The following CHD9 variants were observed in gnomAD, a reference collection of about 807,000 sequenced individuals.
CHD9 encodes the protein chromodomain helicase DNA binding protein 9.
CHD9 carries 77 observed loss-of-function variants against 316.1 expected under a neutral mutation model. The observed-to-expected ratio is 0.24, with a 90% CI of 0.20 to 0.29. The LOEUF (loss-of-function observed/expected upper bound fraction) is 0.29. Ranked by LOEUF, CHD9 falls within the 10% of genes least tolerant of loss-of-function variation. The pLI is 1.00. For missense variants in CHD9, 2,763 were observed against 3,438.1 expected, an observed-to-expected ratio of 0.80 and a Z score of 4.91; for synonymous variants, 1,129 against 1,158.3, an observed-to-expected ratio of 0.97 and a Z score of 0.51.
chr16:53,098,770 A>C (rs1431748426), intron 1 of CHD9, among the ~76,000 whole-genome samples: 2 of 152,158 alleles, frequency 1.3e-5, no homozygotes, highest in African/African-American at 4.8e-5. Context: ...TTACATATGC[A>C]AAACATCTGA....
chr16:53,110,501 C>G (rs1043281029), intron 1 of CHD9, among the ~76,000 whole-genome samples: 10 of 152,176 alleles, frequency 6.6e-5, no homozygotes, highest in Non-Finnish European at 1.2e-4. Flanking sequence ...TAGCTCACGC[C>G]TGTAATCCCA....
rs193089050 is a variant in CHD9 at position 53,218,024 on chromosome 16, C to A, written c.1785-4620C>A. On this transcript the variant is annotated intron_variant, in intron 3 of 38. Transcript: ENST00000447540. ...AATTTTAAAATGCCACCCAAATTAA[C>A]CCAGAATTGTATCAGTCAAAAATGA... Among the ~76,000 whole-genome samples, 254 of 151,200 alleles carry A rather than the reference C, an allele frequency of 1.7e-3. 2 individuals carry two copies. The highest frequency in any genetic ancestry group is 6.0e-3 in the African/African-American group (245 of 41,160).
At chr16:53,209,448 G>A in intron 2 of CHD9, 34 bp from the exon 3 acceptor site, 1 of 1,367,124 alleles carries the variant, frequency 7.3e-7, no homozygotes, top group South Asian at 1.4e-5. Context: ...ATGTACTTTG[G>A]TATATTCTAT....
intron 1 of CHD9, among the ~76,000 whole-genome samples, chr16:53,132,275 C>T (rs11075756): frequency 0.31 from 46,662 of 151,882 alleles, 7,324 homozygotes; most frequent in Middle Eastern, 0.36. Flanking sequence ...AATATTCATA[C>T]CTAAGAATTC....
chr16:53,300,054 T>C (rs758078317), intron 30 of CHD9, among the ~76,000 whole-genome samples: 4 of 152,218 alleles, frequency 2.6e-5, no homozygotes, highest in Non-Finnish European at 4.4e-5. Flanking sequence ...GGTGTCTTTG[T>C]TAAGAATTGT....
intron 1 of CHD9, among the ~76,000 whole-genome samples, chr16:53,098,043 C>T (rs1260739679): frequency 6.6e-6 from 1 of 152,066 alleles, no homozygotes; most frequent in African/African-American, 2.4e-5. Flanking sequence ...TCACTTGAAC[C>T]CAGGAGGTGG....
chr16:53,146,437 A>ATATATAT (rs58622741), intron 1 of CHD9, among the ~76,000 whole-genome samples: 2 of 129,706 alleles, frequency 1.5e-5, no homozygotes, highest in Admixed American at 8.1e-5. Context: ...ATATATATAT[A>ATATATAT]ATTAAAAAGT....
rs376458259 is a variant in CHD9, at chr16:53,324,047, C to T, written c.7846C>T (p.Arg2616Cys). The stretch of plus-strand genomic sequence containing the variant: ...ATTTCTTCCAGAAAGCATGTATGAA[C>T]GTATTCTCACTGGTCCCGTTGTGAG... Reference protein sequence around the residue: ...SGFLPESMYERILTGPVVREE... With the variant: ...SGFLPESMYECILTGPVVREE... Residue 2616 changes from arginine (R) to cysteine (C), a missense_variant, in exon 39 of 39, where the codon CGT (arginine) becomes TGT (cysteine). This residue lies in a region of CHD9 where 298 missense variants were observed against 380.2 expected (regional missense o/e 0.78). Coordinates refer to ENST00000447540, the MANE Select transcript of CHD9 (RefSeq NM_001308319.2). 31 of 1,612,796 alleles carry T rather than the reference C, an allele frequency of 1.9e-5. No individual in the cohort carries two copies. The highest frequency in any genetic ancestry group is 2.5e-5 in the Non-Finnish European group (30 of 1,179,060).
At chr16:53,313,059 T>C (rs2056598882) in intron 34 of CHD9, among the ~76,000 whole-genome samples, 1 of 152,214 alleles carries the variant, frequency 6.6e-6, no homozygotes, top group Admixed American at 6.5e-5. Flanking sequence ...TAATAAAATA[T>C]CTATTAGAAA....
intron 2 of CHD9, among the ~76,000 whole-genome samples, chr16:53,205,540 A>C (rs772562460): frequency 6.6e-6 from 1 of 152,234 alleles, no homozygotes; most frequent in African/African-American, 2.4e-5. Context: ...GAAATGACCA[A>C]CATTAAAAAT....
chr16:53,311,232 C>T (rs1454874892), intron 34 of CHD9: 2 of 150,972 alleles, frequency 1.3e-5, no homozygotes, highest in South Asian at 2.1e-4. Context: ...TATTTAAAAT[C>T]TCAAGTATTC....
At chr16:53,165,196 C>T in intron 2 of CHD9, among the ~76,000 whole-genome samples, 1 of 152,136 alleles carries the variant, frequency 6.6e-6, no homozygotes, top group East Asian at 1.9e-4. Context: ...ATTTCTGTAG[C>T]AGGTGGAAAA....
At chr16:53,215,648 TATG>T (rs1208617191) in intron 3 of CHD9, among the ~76,000 whole-genome samples, 2 of 152,244 alleles carry the variant, frequency 1.3e-5, no homozygotes, top group East Asian at 3.9e-4. Flanking sequence ...TTTTTTCTCT[TATG>T]ATGAATTGGA....
Position 53,231,647 on chromosome 16 carries a change from C to A in CHD9, c.2374C>A (p.Pro792Thr), listed in dbSNP as rs1002543995. 1.9e-6 allele frequency: 3 copies of A among 1,568,212 alleles called. No individual in the cohort carries two copies. The highest frequency in any genetic ancestry group is 2.8e-5 in the African/African-American group (2 of 72,384). The change falls in exon 10 of 39, where the codon CCT (proline) becomes ACT (threonine). Residue 792 changes from proline (P) to threonine (T), a missense_variant and splice_region_variant. This residue lies in a region of CHD9 where 186 missense variants were observed against 245.0 expected (regional missense o/e 0.76). Transcript: ENST00000447540. ...GGTAAATGAAAAAATTTTTTTACAGCCTGTTATTTACTACTTAGTAAAATG... is the reference window on the plus strand; with the variant it reads ...GGTAAATGAAAAAATTTTTTTACAGACTGTTATTTACTACTTAGTAAAATG... ...SFCEDKDTGE[P>T]VIYYLVKWCS...
At chr16:53,173,227 CCTT>C (rs1324690630) in intron 2 of CHD9, among the ~76,000 whole-genome samples, 8 of 151,438 alleles carry the variant, frequency 5.3e-5, no homozygotes, top group Non-Finnish European at 1.0e-4. Context: ...GTGTAGGTCT[CCTT>C]AGGTTATCTG....
At chr16:53,055,821 G>T (rs1014023824) in intron 1 of CHD9, among the ~76,000 whole-genome samples, 1 of 152,266 alleles carries the variant, frequency 6.6e-6, no homozygotes, top group East Asian at 1.9e-4. Context: ...GGTTGAACTC[G>T]AAAGTGGACA....
rs551534170 is a variant in CHD9 at position 53,196,952 on chromosome 16, A to G, written c.1453-12530A>G. ...TTCAGAAGAAAAGTATAGAATAGTG[A>G]TTGTCAAAGGTAGGTAGGCAAGAAA... is the stretch of plus-strand genomic sequence containing the variant. On this transcript the variant is annotated intron_variant, in intron 2 of 38. Coordinates refer to ENST00000447540, the MANE Select transcript of CHD9 (RefSeq NM_001308319.2). 4.1e-4 allele frequency among the ~76,000 whole-genome samples: 62 copies of G among 152,332 alleles called. No individual in the cohort carries two copies. In the South Asian group the frequency reaches 0.012, roughly 31 times the overall value.
chr16:53,172,388 A>G (rs996064209), intron 2 of CHD9, among the ~76,000 whole-genome samples: 1 of 152,194 alleles, frequency 6.6e-6, no homozygotes, highest in African/African-American at 2.4e-5. Flanking sequence ...TTAAAATAAT[A>G]TTTCATTATA....
At position 53,222,814 on chromosome 16, in the gene CHD9, A is replaced by G. The variant is rs2047357172; in HGVS notation, c.1896+59A>G. On this transcript the variant is annotated intron_variant, in intron 4 of 38. Coordinates refer to ENST00000447540, the MANE Select transcript of CHD9 (RefSeq NM_001308319.2). The stretch of plus-strand genomic sequence containing the variant: ...CTGTTAGAATGATTTAGTTAGCATA[A>G]TATTGCCTTATAGATATTTACACTT... 3 of 778,018 alleles carry G rather than the reference A, an allele frequency of 3.9e-6. No homozygotes were observed. The Admixed American group carries it at 7.7e-5, about 20-fold the overall frequency. The allele number at this position is 778,018 out of a possible 1,614,324, so 48.2% of individuals were successfully genotyped here.
Sources: gnomAD v4.1 joint callset for allele counts (sites outside exome capture counted in the v4.1 genomes callset) on GRCh38, gnomAD v4.1.1 for gene constraint, gnomAD v4.1.1 regional missense constraint, MANE v1.5 for transcripts, NCBI Gene and HGNC (gene_info 2026-07-23, HGNC 2026-07-21) for gene names.